CCDC178: variants seen among roughly 807,000 people sequenced by gnomAD.
The protein encoded by CCDC178 is coiled-coil domain-containing protein 178.
A neutral mutation model predicts 117.4 loss-of-function variants in CCDC178; 126 were observed. The observed-to-expected ratio is 1.07, with a 90% CI of 0.93 to 1.24. The LOEUF is 1.24. CCDC178 is among the 50% of genes most tolerant of loss of function. The pLI is 0.00. For missense variants in CCDC178, 1,030 were observed against 986.9 expected (o/e 1.04, Z -0.59); for synonymous variants, 283 against 313.4 (o/e 0.90, Z 1.02).
At chr18:33,132,719 T>C (rs1387163183) in intron 20 of CCDC178, among the ~76,000 whole-genome samples, 1 of 151,752 alleles carries the variant, frequency 6.6e-6, no homozygotes, top group African/African-American at 2.4e-5. Flanking sequence ...TTTTTCTAAA[T>C]AGTGTTAATA....
intron 15 of CCDC178, among the ~76,000 whole-genome samples, chr18:33,238,683 A>G (rs182403097): frequency 3.9e-5 from 6 of 152,240 alleles, no homozygotes; most frequent in African/African-American, 1.4e-4. Context: ...TTCCAGAAGA[A>G]GAAAATAGAA....
intron 22 of CCDC178, chr18:32,954,747 T>C (rs1199587221): frequency 6.6e-6 from 1 of 152,172 alleles, no homozygotes; most frequent in Non-Finnish European, 1.5e-5. Flanking sequence ...TCTGTCTCCT[T>C]TCACATTTTA....
chr18:33,016,898 A>C (rs2056003388), intron 21 of CCDC178, among the ~76,000 whole-genome samples: 1 of 152,022 alleles, frequency 6.6e-6, no homozygotes, highest in South Asian at 2.1e-4. Context: ...ACAGATGCAG[A>C]AAAAACATTT....
chr18:33,361,406 A>G (rs2063126248), intron 6 of CCDC178, among the ~76,000 whole-genome samples: 1 of 151,774 alleles, frequency 6.6e-6, no homozygotes, highest in Admixed American at 6.6e-5. Flanking sequence ...AACATAGAGG[A>G]AAAGCTCCTT....
rs368253549 is a variant in CCDC178, at chr18:33,068,152, G to A, written c.2388+24609C>T. On this transcript the variant is annotated intron_variant, in intron 21 of 22. Transcript: ENST00000383096. ...GAAAACGTGAACAGATCAATAATGA[G>A]TAACAAGGTTGAATCAGTAGTAAAA... is the stretch of plus-strand genomic sequence containing the variant. Among the ~76,000 whole-genome samples, 9 of 152,100 alleles carry A rather than the reference G, an allele frequency of 5.9e-5. No homozygotes were observed. The East Asian group carries it at 1.2e-3, about 20-fold the overall frequency.
chr18:33,345,179 A>G (rs2062874011), intron 9 of CCDC178, among the ~76,000 whole-genome samples: 1 of 152,138 alleles, frequency 6.6e-6, no homozygotes, highest in Non-Finnish European at 1.5e-5. Flanking sequence ...TGGGCACCCT[A>G]ATATTAATAA....
intron 21 of CCDC178, among the ~76,000 whole-genome samples, chr18:32,988,046 C>T (rs1293108256): frequency 6.7e-6 from 1 of 150,098 alleles, no homozygotes; most frequent in Non-Finnish European, 1.5e-5. Context: ...CATTACACTC[C>T]AGCCTGGGCA....
chr18:33,265,876 G>A (rs1374202254), intron 14 of CCDC178, among the ~76,000 whole-genome samples: 1 of 151,954 alleles, frequency 6.6e-6, no homozygotes, highest in Admixed American at 6.6e-5. Context: ...ACGATAGCTT[G>A]TACTAGATTG....
rs1271732148 is a variant in CCDC178, at chr18:33,406,019, C to T, written c.58+6012G>A. Among the ~76,000 whole-genome samples the T allele has an allele frequency of 2.6e-5, 4 of 152,104 alleles. No individual in the cohort carries two copies. In the East Asian group the frequency reaches 7.7e-4, roughly 29 times the overall value. The stretch of plus-strand genomic sequence containing the variant: ...AGACGGAATGCAAAGGCAAGAAAAG[C>T]TTCCTAGCTGATTTTGGTATTGCTC... On this transcript the variant is annotated intron_variant, in intron 3 of 22. Coordinates refer to ENST00000383096, the MANE Select transcript of CCDC178 (RefSeq NM_001105528.4).
At chr18:33,049,262 CT>C (rs2056700394) in intron 21 of CCDC178, among the ~76,000 whole-genome samples, 7 of 152,064 alleles carry the variant, frequency 4.6e-5, no homozygotes, top group Admixed American at 3.3e-4. Context: ...TATTGAGAAA[CT>C]ATAATAACTT....
intron 12 of CCDC178, among the ~76,000 whole-genome samples, chr18:33,278,050 C>A (rs1358144320): frequency 6.6e-6 from 1 of 151,982 alleles, no homozygotes; most frequent in South Asian, 2.1e-4. Flanking sequence ...AAATCTCCAA[C>A]CAAAGCCCAA....
At chr18:33,254,101 A>G (rs2059648863) in intron 14 of CCDC178, among the ~76,000 whole-genome samples, 1 of 151,936 alleles carries the variant, frequency 6.6e-6, no homozygotes. Context: ...TTGCTTTGGA[A>G]CAGAAAGAGA....
chr18:33,155,780 A>C (rs1192413429), intron 20 of CCDC178, among the ~76,000 whole-genome samples: 2 of 152,174 alleles, frequency 1.3e-5, no homozygotes, highest in African/African-American at 2.4e-5. Context: ...TCATGTTTGC[A>C]TTAGGGCCAG....
intron 20 of CCDC178, among the ~76,000 whole-genome samples, chr18:33,137,330 A>C (rs1200484675): frequency 2.0e-5 from 3 of 152,248 alleles, no homozygotes; most frequent in African/African-American, 7.2e-5. Context: ...ATTTCATAAA[A>C]TATAGTCTAA....
At chr18:33,394,191 A>G (rs2063600578) in intron 4 of CCDC178, among the ~76,000 whole-genome samples, 1 of 152,054 alleles carries the variant, frequency 6.6e-6, no homozygotes. Context: ...TAAATTTACC[A>G]TAATTTATTG....
intron 11 of CCDC178, among the ~76,000 whole-genome samples, chr18:33,319,815 C>G (rs894589601): frequency 2.3e-4 from 35 of 152,226 alleles, no homozygotes; most frequent in Non-Finnish European, 4.1e-4. Flanking sequence ...TTTCATGTGT[C>G]TGTTGGCTGC....
intron 3 of CCDC178, among the ~76,000 whole-genome samples, chr18:33,400,754 G>C (rs1386073840): frequency 6.6e-6 from 1 of 152,130 alleles, no homozygotes; most frequent in Non-Finnish European, 1.5e-5. Flanking sequence ...TATCATTCCT[G>C]TGTTCACTGG....
At chr18:33,114,743 G>A (rs1216930149) in intron 20 of CCDC178, among the ~76,000 whole-genome samples, 2 of 151,932 alleles carry the variant, frequency 1.3e-5, no homozygotes, top group Non-Finnish European at 2.9e-5. Context: ...TTATTTAAAG[G>A]AAACTCAGCA....
intron 21 of CCDC178, among the ~76,000 whole-genome samples, chr18:32,980,370 T>A: frequency 6.7e-6 from 1 of 150,238 alleles, no homozygotes; most frequent in Middle Eastern, 3.4e-3. Context: ...GATCACGAGG[T>A]CAGGAGATCG....
Sources: allele counts gnomAD v4.1 joint callset (sites outside exome capture counted in the v4.1 genomes callset), GRCh38; gene constraint gnomAD v4.1.1; transcripts MANE v1.5; gene names NCBI Gene and HGNC (gene_info 2026-07-23, HGNC 2026-07-21).